The following SNX6 variants were observed in gnomAD, a reference collection of about 807,000 sequenced individuals.
The protein encoded by SNX6 is sorting nexin 6.
Under a neutral mutation model 63.0 loss-of-function variants are expected in SNX6, and 34 were observed. The observed-to-expected ratio is 0.54, with a 90% confidence interval of 0.41 to 0.72. The LOEUF is 0.72. Ranked by LOEUF, SNX6 falls within the 30% of genes least tolerant of loss-of-function variation. The pLI, the probability that SNX6 is intolerant of heterozygous loss-of-function variation, is 0.00. For synonymous variants in SNX6, 170 were observed against 164.2 expected, an observed-to-expected ratio of 1.04 and a Z score of -0.27; for missense variants, 398 against 471.4, an observed-to-expected ratio of 0.84 and a Z score of 1.44.
chr14:34,574,766 C>G (rs1041701743), intron 11 of SNX6, among the ~76,000 whole-genome samples: 2 of 151,668 alleles, frequency 1.3e-5, no homozygotes, highest in Non-Finnish European at 2.9e-5. Context: ...CCATGTTGAT[C>G]AGGCTGGTCT....
At chr14:34,617,324 G>C (rs994696845) in intron 2 of SNX6, among the ~76,000 whole-genome samples, 6 of 152,112 alleles carry the variant, frequency 3.9e-5, no homozygotes, top group African/African-American at 1.2e-4. Flanking sequence ...TCTGACCTGT[G>C]ACCTGTTGTT....
chr14:34,601,493 G>A (rs912009451), intron 6 of SNX6, among the ~76,000 whole-genome samples: 2 of 151,956 alleles, frequency 1.3e-5, no homozygotes, highest in African/African-American at 4.8e-5. Flanking sequence ...CAAAGTGCTG[G>A]ATTATAGGCT....
chr14:34,592,100 G>C (rs1211919846), intron 8 of SNX6, among the ~76,000 whole-genome samples: 3 of 152,140 alleles, frequency 2.0e-5, no homozygotes, highest in East Asian at 1.9e-4. Flanking sequence ...CTTAAAAATT[G>C]CAAGTGGCCA....
rs1594741536 is a variant in SNX6, at chr14:34,609,866, T to C, written c.55-124A>G. The C allele has an allele frequency of 1.2e-5, 8 of 643,246 alleles. No homozygotes were observed. In the East Asian group the frequency reaches 1.4e-4, roughly 11 times the overall value. 39.8% of individuals were successfully genotyped at this position (643,246 alleles called of 1,614,324 possible). A position where few individuals can be genotyped will look rare whatever the true frequency, so the allele number is the denominator to read the frequency against. On this transcript the variant is annotated intron_variant, in intron 2 of 13. Transcript: ENST00000362031. ...ATTATTAAGTCTAAAGAGGTACTCA[T>C]GTCCATTTAACATACATACTATATA...
intron 10 of SNX6, among the ~76,000 whole-genome samples, chr14:34,578,141 T>C (rs1169431574): frequency 6.6e-6 from 1 of 151,694 alleles, no homozygotes; most frequent in African/African-American, 2.4e-5. Flanking sequence ...GAGGCAAAGG[T>C]TGCAGTGAGC....
chr14:34,594,948 T>C (rs906988151), intron 7 of SNX6, among the ~76,000 whole-genome samples: 2 of 151,834 alleles, frequency 1.3e-5, no homozygotes, highest in African/African-American at 4.8e-5. Context: ...AAAAATTAGC[T>C]GGGTGTGATG....
chr14:34,610,427 A>G (rs997706157), intron 2 of SNX6, among the ~76,000 whole-genome samples: 1 of 151,814 alleles, frequency 6.6e-6, no homozygotes, highest in African/African-American at 2.4e-5. Context: ...GGTCCATCTA[A>G]GTTCAAGTGC....
At chr14:34,629,434 G>T (rs1160574057) in intron 2 of SNX6, 5 of 457,792 alleles carry the variant, frequency 1.1e-5, no homozygotes, top group Non-Finnish European at 2.2e-5. Flanking sequence ...AAAAATCCTT[G>T]CAAAATGGTA....
rs1479080739 is a variant in SNX6 at position 34,568,082 on chromosome 14, T to TGTCACCACCACC, written c.922-81_922-70dup. ...TCCAGTAGTCACACCCAGCCACCAC[T>TGTCACCACCACC]GTCACCACCACCACAACCATCAGAG... On this transcript the variant is annotated intron_variant, in intron 11 of 13. Transcript: ENST00000362031. 47 of 1,292,240 alleles carry TGTCACCACCACC rather than the reference T, an allele frequency of 3.6e-5. No homozygotes were observed. The African/African-American group carries it at 5.5e-4, about 15-fold the overall frequency. 80.0% of individuals were successfully genotyped at this position (1,292,240 alleles called of 1,614,324 possible). A position where few individuals can be genotyped will look rare whatever the true frequency, so the allele number is the denominator to read the frequency against.
chr14:34,593,059 G>C lies in SNX6; in HGVS notation c.704C>G (p.Thr235Arg), dbSNP rs767081237. The C allele has an allele frequency of 1.3e-6, 2 of 1,595,722 alleles. No homozygotes were observed. Among genetic ancestry groups the C allele is most frequent in the South Asian group, 2.3e-5 (2 of 87,166 alleles). The change falls in exon 8 of 14, where the codon ACA becomes AGA. Residue 235 changes from threonine (T) to arginine (R), a missense_variant. Transcript: ENST00000362031. The stretch of plus-strand genomic sequence containing the variant: ...AAAAATCTTACTTTTGTGGGATCTT[G>C]TCATTCTATCAGATTTAGCAGATGC... ...KDASAKSDRM[T>R]RSHKSAADDY...
chr14:34,568,644 T>A, intron 11 of SNX6: 1 of 771,938 alleles, frequency 1.3e-6, no homozygotes, highest in Non-Finnish European at 2.2e-6. Flanking sequence ...GTTTTTTTTT[T>A]TTTTTTAACG....
At chr14:34,576,221 G>A (rs1163382090) in intron 10 of SNX6, among the ~76,000 whole-genome samples, 3 of 151,636 alleles carry the variant, frequency 2.0e-5, no homozygotes, top group East Asian at 1.9e-4. Flanking sequence ...CACCGCGCCC[G>A]GCCTCGTTTC....
At chr14:34,594,392 A>G (rs911171907) in intron 7 of SNX6, among the ~76,000 whole-genome samples, 2 of 151,828 alleles carry the variant, frequency 1.3e-5, no homozygotes, top group Admixed American at 6.6e-5. Context: ...CTTGCTTTGT[A>G]ATCCAGGCTG....
At chr14:34,590,792 A>G (rs1404063418) in intron 8 of SNX6, among the ~76,000 whole-genome samples, 1 of 152,226 alleles carries the variant, frequency 6.6e-6, no homozygotes, top group Non-Finnish European at 1.5e-5. Flanking sequence ...CCGTACAAAA[A>G]GTTATATAGA....
At chr14:34,619,323 G>C (rs1045866574) in intron 2 of SNX6, among the ~76,000 whole-genome samples, 1 of 152,104 alleles carries the variant, frequency 6.6e-6, no homozygotes, top group African/African-American at 2.4e-5. Flanking sequence ...TTGGGAGGCT[G>C]AGGCAGAAGG....
intron 2 of SNX6, among the ~76,000 whole-genome samples, chr14:34,611,495 G>C (rs115772589): frequency 2.2e-4 from 34 of 151,228 alleles, no homozygotes; most frequent in South Asian, 6.2e-4. Flanking sequence ...AAAAAAAAAG[G>C]GGGGGAGGCC....
intron 9 of SNX6, among the ~76,000 whole-genome samples, chr14:34,582,123 G>T (rs1242981816): frequency 6.7e-6 from 1 of 148,990 alleles, no homozygotes; most frequent in Non-Finnish European, 1.5e-5. Context: ...CACCACGCCC[G>T]GCCCTGATTT....
intron 11 of SNX6, among the ~76,000 whole-genome samples, chr14:34,568,388 G>A (rs1244544886): frequency 1.3e-5 from 2 of 151,876 alleles, no homozygotes; most frequent in South Asian, 2.1e-4. Flanking sequence ...ACGCCACCAC[G>A]CCTGGCTAAT....
In SNX6 at chr14:34,564,556, G is replaced by C. The variant is rs564591675; in HGVS notation, c.1168-1381C>G. Reference sequence around the variant, plus strand: ...AAAAGTATAGAATCTGGCCAGGCGCGGTGGTTCACGCCTGCAATCCCAGCA... The same window carrying C: ...AAAAGTATAGAATCTGGCCAGGCGCCGTGGTTCACGCCTGCAATCCCAGCA... On this transcript the variant is annotated intron_variant, in intron 13 of 13. Coordinates refer to ENST00000362031, the MANE Select transcript of SNX6 (RefSeq NM_152233.4). Among the ~76,000 whole-genome samples, 184 of 152,116 alleles carry C rather than the reference G, an allele frequency of 1.2e-3. 1 individual carries two copies. Among genetic ancestry groups the C allele is most frequent in the African/African-American group, 4.1e-3 (169 of 41,528 alleles).
Sources: allele counts gnomAD v4.1 joint callset (sites outside exome capture counted in the v4.1 genomes callset), GRCh38; gene constraint gnomAD v4.1.1; transcripts MANE v1.5; gene names NCBI Gene and HGNC (gene_info 2026-07-23, HGNC 2026-07-21).